The following AP1M1 variants were observed in gnomAD, a reference collection of about 807,000 sequenced individuals.
The protein encoded by AP1M1 is AP-1 complex subunit mu-1.
Under a neutral mutation model 57.1 loss-of-function variants are expected in AP1M1, and 18 were observed. The observed-to-expected ratio is 0.32, with a 90% CI of 0.22 to 0.47. The LOEUF (loss-of-function observed/expected upper bound fraction) is 0.47. AP1M1 is among the 20% of genes least tolerant of loss of function. The pLI is 1.00. For synonymous variants in AP1M1, 241 were observed against 237.9 expected, an observed-to-expected ratio of 1.01 and a Z score of -0.12; for missense variants, 362 against 593.5, an observed-to-expected ratio of 0.61 and a Z score of 4.05.
rs1256829121 is a variant in AP1M1, at chr19:16,207,013, G to A, written c.267+605G>A. On this transcript the variant is annotated intron_variant, in intron 3 of 11. Coordinates refer to ENST00000291439, the MANE Select transcript of AP1M1 (RefSeq NM_032493.4). The surrounding 1 kb of genome is among the most constrained non-coding windows in gnomAD (Gnocchi z 4.2). The stretch of plus-strand genomic sequence containing the variant: ...TTCATTCCACTTCTGATGAAAGGTA[G>A]TGGAGGGCTTTAAGCAGGAGACTGA... 2.6e-5 allele frequency among the ~76,000 whole-genome samples: 4 copies of A among 152,246 alleles called. No individual in the cohort carries two copies. Among genetic ancestry groups the A allele is most frequent in the Admixed American group, 6.5e-5 (1 of 15,292 alleles).
intron 5 of AP1M1, among the ~76,000 whole-genome samples, chr19:16,220,799 C>A (rs1206843766): frequency 6.6e-6 from 1 of 152,224 alleles, no homozygotes; most frequent in Non-Finnish European, 1.5e-5. Flanking sequence ...TCCCTAAAGG[C>A]TATTTTCACT....
chr19:16,203,630 G>T lies in AP1M1; in HGVS notation c.199+15G>T, dbSNP rs1324405900. The T allele has an allele frequency of 1.3e-6, 2 of 1,591,992 alleles. No homozygotes were observed. The highest frequency in any genetic ancestry group is 1.7e-6 in the Non-Finnish European group (2 of 1,167,056). On this transcript the variant is annotated intron_variant, in intron 2 of 11. Transcript: ENST00000291439. The surrounding 1 kb of genome is among the most constrained non-coding windows in gnomAD (Gnocchi z 4.6). ...CAACCTGTATCGTATCCCTTTGCTG[G>T]GGGTGCTCCCAGGGGACTCCTGTGT... is the stretch of plus-strand genomic sequence containing the variant.
chr19:16,230,735 AAAT>A (rs780004249), intron 9 of AP1M1, among the ~76,000 whole-genome samples: 27 of 152,152 alleles, frequency 1.8e-4, no homozygotes, highest in Non-Finnish European at 3.2e-4. Flanking sequence ...GGAAACCAAA[AAAT>A]GTGTGTGACT....
chr19:16,215,276 C>T (rs2091514569), intron 5 of AP1M1, among the ~76,000 whole-genome samples: 1 of 117,486 alleles, frequency 8.5e-6, no homozygotes, highest in Admixed American at 9.6e-5. Flanking sequence ...GCCTGGCCAA[C>T]ATGGTGAAAC....
rs1229477457 is a variant in AP1M1 at position 16,243,653 on chromosome 19, A to C, written c.*9218A>C. The C allele has an allele frequency of 6.6e-6, 1 of 152,188 alleles. No individual in the cohort carries two copies. Among genetic ancestry groups the C allele is most frequent in the Non-Finnish European group, 1.5e-5 (1 of 68,060 alleles). 9.4% of individuals were successfully genotyped at this position (152,188 alleles called of 1,614,324 possible). A position where few individuals can be genotyped will look rare whatever the true frequency, so the allele number is the denominator to read the frequency against. On this transcript the variant is annotated 3_prime_UTR_variant, in exon 12 of 12. Coordinates refer to ENST00000291439, the MANE Select transcript of AP1M1 (RefSeq NM_032493.4). ...AATATAATGGAAGTTAGAAAATATT[A>C]GAGAATGGCCAGGTGCAGTGGCTCA...
In AP1M1 at chr19:16,239,241, T is replaced by A. The variant is rs539871231; in HGVS notation, c.*4806T>A. On this transcript the variant is annotated 3_prime_UTR_variant, in exon 12 of 12. Coordinates refer to ENST00000291439, the MANE Select transcript of AP1M1 (RefSeq NM_032493.4). ...AGCCACCGCGCCCGGCCAGTTCTCT[T>A]TTTTTTTTTTTTTTTTTTTTTTTTT... is the stretch of plus-strand genomic sequence containing the variant. 2 of 11,504 alleles carry A rather than the reference T, an allele frequency of 1.7e-4. No homozygotes were observed. The highest frequency in any genetic ancestry group is 8.2e-4 in the African/African-American group (2 of 2,452). The allele number at this position is 11,504 out of a possible 1,614,324, so 0.7% of individuals were successfully genotyped here.
Position 16,228,126 on chromosome 19 carries a change from C to T in AP1M1, c.817-11C>T, listed in dbSNP as rs542781227. On this transcript the variant is annotated splice_polypyrimidine_tract_variant and intron_variant, in intron 7 of 11. Transcript: ENST00000291439. This position sits in a 1 kb window ranked among gnomAD's most constrained non-coding sequence, Gnocchi z 5.0. Reference sequence around the variant, plus strand: ...GCCAGGTGTGAGCACCCTCTTTGCCCTCCTTGGCAGGTCAAGCCTTTGATA... The same window carrying T: ...GCCAGGTGTGAGCACCCTCTTTGCCTTCCTTGGCAGGTCAAGCCTTTGATA... The T allele has an allele frequency of 3.1e-5, 50 of 1,613,762 alleles. No individual in the cohort carries two copies. The South Asian group carries it at 5.4e-4, about 17-fold the overall frequency.
chr19:16,202,772 A>G (rs1037750597), intron 1 of AP1M1, among the ~76,000 whole-genome samples: 8 of 152,244 alleles, frequency 5.3e-5, no homozygotes, highest in Admixed American at 3.9e-4. Context: ...GTCTGTTTCA[A>G]TTAAAGCTGC....
chr19:16,199,699 C>T (rs1016914063), intron 1 of AP1M1, among the ~76,000 whole-genome samples: 2 of 152,188 alleles, frequency 1.3e-5, no homozygotes, highest in African/African-American at 4.8e-5. Context: ...GGCTTCCCTC[C>T]CCCGCCTTCT....
chr19:16,200,423 C>G (rs1471999299), intron 1 of AP1M1, among the ~76,000 whole-genome samples: 1 of 152,142 alleles, frequency 6.6e-6, no homozygotes, highest in Non-Finnish European at 1.5e-5. Context: ...GGGACCACTT[C>G]AGTTCCAACC....
chr19:16,198,400 C>G (rs2145107282), intron 1 of AP1M1: 1 of 178,852 alleles, frequency 5.6e-6, no homozygotes, highest in South Asian at 1.6e-4. Context: ...CAGCCGGCCT[C>G]GGAGCCAGGC....
chr19:16,234,148 C>G, intron 10 of AP1M1, 51 bp from the exon 11 acceptor site: 1 of 1,554,160 alleles, frequency 6.4e-7, no homozygotes, highest in Non-Finnish European at 8.7e-7. Context: ...TAAGGGGGGA[C>G]CAACAGGGCG....
At chr19:16,233,400 T>C in intron 9 of AP1M1, 93 bp from the exon 10 acceptor site, 2 of 1,422,076 alleles carry the variant, frequency 1.4e-6, no homozygotes, top group Non-Finnish European at 1.8e-6. Flanking sequence ...CTGGGGTGAG[T>C]GGTCAGTCTC....
Position 16,236,405 on chromosome 19 carries a change from C to G in AP1M1, c.*1970C>G, listed in dbSNP as rs2091625023. ...AAAAAAGCAAGGAGACCCACAGGAG[C>G]CCAAGACGAAGGAAGTAGACGCGGA... On this transcript the variant is annotated 3_prime_UTR_variant, in exon 12 of 12. Transcript: ENST00000291439. 1 of 152,274 alleles carries G rather than the reference C, an allele frequency of 6.6e-6. No individual in the cohort carries two copies. The highest frequency in any genetic ancestry group is 1.5e-5 in the Non-Finnish European group (1 of 68,106). The allele number at this position is 152,274 out of a possible 1,614,324, so 9.4% of individuals were successfully genotyped here. A position where few individuals can be genotyped will look rare whatever the true frequency, so the allele number is the denominator to read the frequency against.
chr19:16,233,502 G>T lies in AP1M1; in HGVS notation c.1057G>T (p.Glu353Ter). ...WSIKSFPGGKEYLMRAHFGLP... is the reference protein window; with the variant it reads ...WSIKSFPGGK Reference sequence around the variant, plus strand: ...CCCGTCTGCTCCCCAGGGCGGCAAGGAGTACCTGATGCGGGCCCACTTCGG... The same window carrying T: ...CCCGTCTGCTCCCCAGGGCGGCAAGTAGTACCTGATGCGGGCCCACTTCGG... Residue 353 changes from glutamate (E) to a stop codon, truncating the protein, a stop_gained, in exon 10 of 12, where the codon GAG (glutamate) becomes TAG (stop). Coordinates refer to ENST00000291439, the MANE Select transcript of AP1M1 (RefSeq NM_032493.4). LOFTEE classifies it high-confidence loss of function. 6.2e-7 allele frequency: 1 copy of T among 1,603,596 alleles called. No homozygotes were observed.
intron 5 of AP1M1, among the ~76,000 whole-genome samples, chr19:16,219,984 C>A (rs1424501454): frequency 6.6e-6 from 1 of 152,094 alleles, no homozygotes; most frequent in Non-Finnish European, 1.5e-5. Flanking sequence ...ATTTTTGGAT[C>A]TACACTCATA....
chr19:16,201,690 GC>G (rs1442936989), intron 1 of AP1M1, among the ~76,000 whole-genome samples: 11 of 152,148 alleles, frequency 7.2e-5, no homozygotes, highest in African/African-American at 2.7e-4. Context: ...GAGCCACCGC[GC>G]CCAGCTGGGA....
chr19:16,203,360 C>T lies in AP1M1; in HGVS notation c.43-99C>T, dbSNP rs1273293313. ...CGGATAGTGGCCATGACCGGAGTCCCCAGAGCGAAGCAGGGTGGTGCATCT... is the reference window on the plus strand; with the variant it reads ...CGGATAGTGGCCATGACCGGAGTCCTCAGAGCGAAGCAGGGTGGTGCATCT... On this transcript the variant is annotated intron_variant, in intron 1 of 11. Transcript: ENST00000291439. The surrounding 1 kb of genome is among the most constrained non-coding windows in gnomAD (Gnocchi z 4.6). 1.5e-6 allele frequency: 2 copies of T among 1,307,476 alleles called. No individual in the cohort carries two copies. Among genetic ancestry groups the T allele is most frequent in the Admixed American group, 1.8e-5 (1 of 55,098 alleles). 81.0% of individuals were successfully genotyped at this position (1,307,476 alleles called of 1,614,324 possible). A position where few individuals can be genotyped will look rare whatever the true frequency, so the allele number is the denominator to read the frequency against.
rs2091644335 is a variant in AP1M1, at chr19:16,241,201, A to G, written c.*6766A>G. The G allele has an allele frequency of 6.6e-6, 1 of 151,886 alleles. No individual in the cohort carries two copies. Among genetic ancestry groups the G allele is most frequent in the African/African-American group, 2.4e-5 (1 of 41,374 alleles). 9.4% of individuals were successfully genotyped at this position (151,886 alleles called of 1,614,324 possible). On this transcript the variant is annotated 3_prime_UTR_variant, in exon 12 of 12. Coordinates refer to ENST00000291439, the MANE Select transcript of AP1M1 (RefSeq NM_032493.4). ...GTGGCGGGCACCTGTGTTCCCAGCT[A>G]CTTGGGAGACTGAGGCAGACAGAAT...
Sources: gnomAD v4.1 joint callset for allele counts (sites outside exome capture counted in the v4.1 genomes callset) on GRCh38, gnomAD v4.1.1 for gene constraint, Gnocchi (gnomAD v3.1) non-coding constraint, MANE v1.5 for transcripts, NCBI Gene and HGNC (gene_info 2026-07-23, HGNC 2026-07-21) for gene names.